Variants in RGS8 observed in about 807,000 individuals in gnomAD.
The protein encoded by RGS8 is regulator of G protein signaling 8, also known as regulator of G-protein signaling 8.
Under a neutral mutation model 21.7 loss-of-function variants are expected in RGS8, and 8 were observed. The observed-to-expected ratio is 0.37, with a 90% CI of 0.22 to 0.66. The LOEUF (loss-of-function observed/expected upper bound fraction) is 0.66, where lower values mean the gene tolerates loss of function less well. Among genes scored for constraint, RGS8 ranks in the 30% least tolerant of loss-of-function variants. RGS8 has a pLI of 0.59. For missense variants in RGS8, 157 were observed against 217.9 expected (o/e 0.72, Z 1.76); for synonymous variants, 80 against 83.6 (o/e 0.96, Z 0.24).
At chr1:182,666,096 G>T in intron 4 of RGS8, 63 bp from the exon 6 acceptor site, 1 of 1,404,870 alleles carries the variant, frequency 7.1e-7, no homozygotes, top group Non-Finnish European at 1.0e-6. Flanking sequence ...CTCAACAACC[G>T]CTAAGATTTG....
chr1:182,651,343 G>A (rs538756065), intron 5 of RGS8, among the ~76,000 whole-genome samples: 5 of 152,276 alleles, frequency 3.3e-5, no homozygotes, highest in East Asian at 1.9e-4. Flanking sequence ...CAGCTCAGCC[G>A]AGCCTACCCT....
At chr1:182,724,546 AT>A in the RGS8 span, among the ~76,000 whole-genome samples, 2 of 151,744 alleles carry the variant, frequency 1.3e-5, no homozygotes, top group Admixed American at 6.6e-5. Context: ...TAAATTTTTT[AT>A]TTTTTGTTTA....
chr1:182,738,933 A>G, the RGS8 span, among the ~76,000 whole-genome samples: 3 of 152,244 alleles, frequency 2.0e-5, no homozygotes, highest in Admixed American at 6.5e-5. Context: ...GGACATTGAA[A>G]GATGCGGAAG....
the RGS8 span, among the ~76,000 whole-genome samples, chr1:182,715,048 G>T: frequency 3.3e-5 from 5 of 152,140 alleles, no homozygotes; most frequent in Non-Finnish European, 7.3e-5. Context: ...ACATTCCAAA[G>T]AGCACTGATT....
chr1:182,713,390 G>C, the RGS8 span, among the ~76,000 whole-genome samples: 52 of 152,152 alleles, frequency 3.4e-4, no homozygotes, highest in African/African-American at 1.2e-3. Flanking sequence ...CACCATGTTA[G>C]CCAGGCTCTT....
downstream of RGS8, chr1:182,644,424 A>G (rs1662612702): frequency 6.6e-6 from 1 of 152,088 alleles, no homozygotes; most frequent in Admixed American, 6.6e-5. Flanking sequence ...ATGCCCACAT[A>G]CCCTTGCTTA....
the RGS8 span, among the ~76,000 whole-genome samples, chr1:182,752,214 G>A: frequency 6.6e-6 from 1 of 152,208 alleles, no homozygotes; most frequent in Non-Finnish European, 1.5e-5. Flanking sequence ...AGCAGAGGCT[G>A]GGCTGAGCCA....
the RGS8 span, among the ~76,000 whole-genome samples, chr1:182,739,879 A>AG: frequency 6.6e-6 from 1 of 152,154 alleles, no homozygotes; most frequent in Non-Finnish European, 1.5e-5. Context: ...AGGGAAGGGA[A>AG]GGGGGGCAAA....
downstream of RGS8, chr1:182,645,103 A>T (rs1392776625): frequency 1.3e-5 from 2 of 152,234 alleles, no homozygotes; most frequent in African/African-American, 4.8e-5. Flanking sequence ...AAGTTACTGG[A>T]GAGGAACACA....
At chr1:182,726,450 C>T in the RGS8 span, among the ~76,000 whole-genome samples, 4 of 152,154 alleles carry the variant, frequency 2.6e-5, no homozygotes, top group Non-Finnish European at 4.4e-5. Flanking sequence ...GTAGGCAAAT[C>T]ATCTGATGTC....
chr1:182,751,631 T>A, the RGS8 span, among the ~76,000 whole-genome samples: 1 of 61,648 alleles, frequency 1.6e-5, no homozygotes, highest in Non-Finnish European at 4.3e-5. Flanking sequence ...AACCAACAAC[T>A]TAAGATCAAT....
At chr1:182,696,269 C>T in the RGS8 span, among the ~76,000 whole-genome samples, 1 of 152,180 alleles carries the variant, frequency 6.6e-6, no homozygotes, top group Non-Finnish European at 1.5e-5. Context: ...TGTTTCTGAA[C>T]TGCTATTGCT....
At chr1:182,682,263 A>G (rs772135527) in intron 1 of RGS8, among the ~76,000 whole-genome samples, 2 of 152,202 alleles carry the variant, frequency 1.3e-5, no homozygotes, top group African/African-American at 2.4e-5. Context: ...GGGATTGAGA[A>G]AGGAAGATGG....
chr1:182,658,830 G>C (rs1663430667), intron 5 of RGS8, among the ~76,000 whole-genome samples: 2 of 152,210 alleles, frequency 1.3e-5, no homozygotes, highest in African/African-American at 4.8e-5. Context: ...CCCGGCAACA[G>C]AGCAAGACCC....
the RGS8 span, among the ~76,000 whole-genome samples, chr1:182,694,829 C>T: frequency 6.6e-6 from 1 of 151,162 alleles, no homozygotes; most frequent in East Asian, 1.9e-4. Flanking sequence ...AAAAAGTTAT[C>T]TACTATTGCC....
At chr1:182,663,314 G>A (rs999972430) in intron 5 of RGS8, among the ~76,000 whole-genome samples, 3 of 152,182 alleles carry the variant, frequency 2.0e-5, no homozygotes, top group Non-Finnish European at 2.9e-5. Flanking sequence ...CTTCACAGGG[G>A]AGTACGTGTT....
the RGS8 span, among the ~76,000 whole-genome samples, chr1:182,713,253 G>A: frequency 1.3e-5 from 2 of 151,346 alleles, no homozygotes; most frequent in African/African-American, 2.4e-5. Context: ...GTGTGATCTC[G>A]GCTCACTGCA....
exon 6 of RGS8, chr1:182,648,233 G>A (rs1382497184): frequency 6.2e-7 from 1 of 1,613,682 alleles, no homozygotes; most frequent in South Asian, 1.1e-5. Context: ...ACTCCTCACA[G>A]GCCAACCAGA....
chr1:182,735,866 C>A, the RGS8 span, among the ~76,000 whole-genome samples: 63,193 of 152,032 alleles, frequency 0.42, 13,307 homozygotes, highest in South Asian at 0.48. Flanking sequence ...CCTTACTAAC[C>A]TGGGCAGGGC....
Sources: gnomAD v4.1 joint callset for allele counts (sites outside exome capture counted in the v4.1 genomes callset) on GRCh38, gnomAD v4.1.1 for gene constraint, MANE v1.5 for transcripts, NCBI Gene and HGNC (gene_info 2026-07-23, HGNC 2026-07-21) for gene names.